STK17B: variants seen among roughly 807,000 people sequenced by gnomAD.
STK17B encodes serine/threonine-protein kinase 17B.
In STK17B, 21 loss-of-function variants were observed where a neutral mutation model predicts 42.0. That is an observed-to-expected ratio of 0.50 (90% CI 0.35 to 0.72). STK17B has a LOEUF of 0.72. Among genes scored for constraint, STK17B ranks in the 30% least tolerant of loss-of-function variants. The pLI, the probability that STK17B is intolerant of heterozygous loss-of-function variation, is 0.00. For missense variants in STK17B, 349 were observed against 446.0 expected (o/e 0.78, Z 1.96); for synonymous variants, 143 against 148.4 (o/e 0.96, Z 0.26).
At position 196,137,349 on chromosome 2, in the gene STK17B, A is replaced by T; in HGVS notation, c.*98T>A. 1 of 1,288,570 alleles carries T rather than the reference A, an allele frequency of 7.8e-7. No homozygotes were observed. Among genetic ancestry groups the T allele is most frequent in the Non-Finnish European group, 1.1e-6 (1 of 946,236 alleles). 79.8% of individuals were successfully genotyped at this position (1,288,570 alleles called of 1,614,324 possible). ...AATTATTCCATGGAAAAGTGCATTT[A>T]CAATATAAACATGTCATATATGAAG... On this transcript the variant is annotated 3_prime_UTR_variant, in exon 8 of 8. Transcript: ENST00000263955.
chr2:196,141,415 T>C lies in STK17B; in HGVS notation c.608-118A>G. On this transcript the variant is annotated intron_variant, in intron 5 of 7. Transcript: ENST00000263955. ...TGGCTCATGCCTGTAATCTCAGCAC[T>C]TTGGGAGGCTGAGGCAGGCAGATCA... is the stretch of plus-strand genomic sequence containing the variant. The C allele has an allele frequency of 1.3e-6, 1 of 761,694 alleles. No homozygotes were observed. The highest frequency in any genetic ancestry group is 2.1e-6 in the Non-Finnish European group (1 of 467,006). The allele number at this position is 761,694 out of a possible 1,614,324, so 47.2% of individuals were successfully genotyped here.
At position 196,134,762 on chromosome 2, in the gene STK17B, CAACAT is replaced by C. The variant is rs1699372431; in HGVS notation, c.*2680_*2684del. ...AAGCAAATTTAACTTTAAATTATCACAACATAACACTTATCTTCTCATGTGTTCAA... is the reference window on the plus strand; with the variant it reads ...AAGCAAATTTAACTTTAAATTATCACAACACTTATCTTCTCATGTGTTCAA... On this transcript the variant is annotated 3_prime_UTR_variant, in exon 8 of 8. Coordinates refer to ENST00000263955, the MANE Select transcript of STK17B (RefSeq NM_004226.4). 6.6e-6 allele frequency: 1 copy of C among 152,200 alleles called. No individual in the cohort carries two copies. Among genetic ancestry groups the C allele is most frequent in the African/African-American group, 2.4e-5 (1 of 41,452 alleles). The allele number at this position is 152,200 out of a possible 1,614,324, so 9.4% of individuals were successfully genotyped here. A position where few individuals can be genotyped will look rare whatever the true frequency, so the allele number is the denominator to read the frequency against.
At chr2:196,148,267 C>T (rs191451712) in intron 3 of STK17B, among the ~76,000 whole-genome samples, 2 of 152,298 alleles carry the variant, frequency 1.3e-5, no homozygotes, top group African/African-American at 4.8e-5. Context: ...TCTCACACCC[C>T]TTCTCAAGGT....
At position 196,157,539 on chromosome 2, in the gene STK17B, T is replaced by C. The variant is rs576268528; in HGVS notation, c.123-888A>G. ...ACAATTGTCAATTGTTTTAGCAATA[T>C]GTCTCTTAGTAATGCTCAGTAGTCT... On this transcript the variant is annotated intron_variant, in intron 2 of 7. Transcript: ENST00000263955. Among the ~76,000 whole-genome samples, 10 of 152,356 alleles carry C rather than the reference T, an allele frequency of 6.6e-5. No homozygotes were observed. In the South Asian group the frequency reaches 1.4e-3, roughly 22 times the overall value.
intron 1 of STK17B, among the ~76,000 whole-genome samples, chr2:196,170,181 G>A (rs2105718694): frequency 6.7e-6 from 1 of 148,646 alleles, no homozygotes; most frequent in Middle Eastern, 3.4e-3. Context: ...TGAGAAAGTA[G>A]GTTTATTTTC....
chr2:196,159,749 CTAAT>C (rs1373750067), intron 2 of STK17B, among the ~76,000 whole-genome samples: 1 of 152,154 alleles, frequency 6.6e-6, no homozygotes, highest in Non-Finnish European at 1.5e-5. Flanking sequence ...CATATCTGTC[CTAAT>C]TATTATGGTA....
rs1465104768 is a variant in STK17B, at chr2:196,141,195, T to C, written c.656+54A>G. ...CTCTTGGAGTCAAAGAACCCCAGAA[T>C]ATACGTTTCCCAACTTTCCATAAAG... is the stretch of plus-strand genomic sequence containing the variant. On this transcript the variant is annotated intron_variant, in intron 6 of 7. Transcript: ENST00000263955. 2.2e-6 allele frequency: 3 copies of C among 1,390,128 alleles called. No homozygotes were observed. The African/African-American group carries it at 4.3e-5, about 20-fold the overall frequency. The allele number at this position is 1,390,128 out of a possible 1,614,324, so 86.1% of individuals were successfully genotyped here. A position where few individuals can be genotyped will look rare whatever the true frequency, so the allele number is the denominator to read the frequency against.
intron 2 of STK17B, among the ~76,000 whole-genome samples, chr2:196,157,416 T>G (rs1445515715): frequency 6.6e-6 from 1 of 152,224 alleles, no homozygotes; most frequent in Non-Finnish European, 1.5e-5. Context: ...CCTTTAAATA[T>G]AAGAAATTAA....
chr2:196,161,478 T>C (rs1699811205), intron 2 of STK17B, among the ~76,000 whole-genome samples: 1 of 150,380 alleles, frequency 6.6e-6, no homozygotes, highest in Non-Finnish European at 1.5e-5. Flanking sequence ...CTTTTGTATT[T>C]AATTCTTGGT....
chr2:196,145,970 G>C lies in STK17B; in HGVS notation c.421C>G (p.Gln141Glu). ...AGATAATAAACTCCTTCAAGTATTT[G>C]TTTAATGAGTCTGATAACATCATTT... ...SENDVIRLIKQILEGVYYLHQ... is the reference protein window; with the variant it reads ...SENDVIRLIKEILEGVYYLHQ... Residue 141 changes from glutamine (Q) to glutamate (E), a missense_variant, in exon 4 of 8, where the codon CAA (glutamine) becomes GAA (glutamate). By Grantham distance (29) the Gln-to-Glu change is conservative. Around this residue, in one of 3 missense-constraint regions of STK17B, gnomAD observed 256 missense variants for 347.7 expected, o/e 0.74. Transcript: ENST00000263955. 1.2e-6 allele frequency: 2 copies of C among 1,606,444 alleles called. No individual in the cohort carries two copies. Among genetic ancestry groups the C allele is most frequent in the South Asian group, 2.2e-5 (2 of 89,168 alleles).
chr2:196,152,161 T>C (rs1699673936), intron 3 of STK17B, among the ~76,000 whole-genome samples: 1 of 150,398 alleles, frequency 6.6e-6, no homozygotes, highest in African/African-American at 2.5e-5. Flanking sequence ...GCCTGGCGCG[T>C]AGTGGTGCGA....
At position 196,148,560 on chromosome 2, in the gene STK17B, A is replaced by T. The variant is rs537721185; in HGVS notation, c.336-2505T>A. On this transcript the variant is annotated intron_variant, in intron 3 of 7. Transcript: ENST00000263955. ...TACTTTACAAGATATAAATACTGAT[A>T]ATCTAGTCCTATCTTATAAAAATCA... is the stretch of plus-strand genomic sequence containing the variant. Among the ~76,000 whole-genome samples the T allele has an allele frequency of 4.5e-4, 69 of 152,342 alleles. No homozygotes were observed. The South Asian group carries it at 0.014, about 32-fold the overall frequency.
intron 2 of STK17B, among the ~76,000 whole-genome samples, chr2:196,161,027 T>G (rs1307956349): frequency 1.3e-5 from 2 of 152,182 alleles, no homozygotes; most frequent in Non-Finnish European, 2.9e-5. Context: ...GTAAGTAAAT[T>G]TACTCATCAA....
chr2:196,166,609 C>A (rs990905560), intron 1 of STK17B, among the ~76,000 whole-genome samples: 1 of 152,130 alleles, frequency 6.6e-6, no homozygotes, highest in Admixed American at 6.5e-5. Flanking sequence ...AGTACTACTA[C>A]AAATAATGGT....
Position 196,156,532 on chromosome 2 carries a change from A to C in STK17B, c.242T>G (p.Ile81Ser). 1 of 1,614,110 alleles carries C rather than the reference A, an allele frequency of 6.2e-7. No individual in the cohort carries two copies. Among genetic ancestry groups the C allele is most frequent in the East Asian group, 2.2e-5 (1 of 44,856 alleles). The change falls in exon 3 of 8, where the codon ATT (isoleucine) becomes AGT (serine). Residue 81 changes from isoleucine (I) to serine (S), a missense_variant. By Grantham distance (142) the Ile-to-Ser change is moderately radical. This residue lies in a region of STK17B where 256 missense variants were observed against 347.7 expected (regional missense o/e 0.74). Coordinates refer to ENST00000263955, the MANE Select transcript of STK17B (RefSeq NM_004226.4). ...QDCRAEILHE[I>S]AVLELAKSCP... ...AGACTTTGCCAATTCAAGCACAGCA[A>C]TCTCGTGTAAAATTTCTGCTCGACA...
intron 3 of STK17B, chr2:196,153,009 T>C (rs1699687269): frequency 6.6e-6 from 1 of 152,120 alleles, no homozygotes; most frequent in Non-Finnish European, 1.5e-5. Flanking sequence ...GGTCTCGAAC[T>C]CCTGGATTCA....
chr2:196,156,415 A>AGAGTT (rs1699738575), intron 3 of STK17B, 24 bp downstream of exon 3: 11 of 1,525,122 alleles, frequency 7.2e-6, no homozygotes, highest in Non-Finnish European at 9.8e-6. Context: ...CAACTAAAAT[A>AGAGTT]GGTACTATTT....
At chr2:196,153,528 A>C (rs1436949868) in intron 3 of STK17B, 1 of 152,174 alleles carries the variant, frequency 6.6e-6, no homozygotes, top group East Asian at 1.9e-4. Flanking sequence ...AAAAGTCCTA[A>C]AAATAACGAT....
At chr2:196,155,791 G>A (rs4850670) in intron 3 of STK17B, among the ~76,000 whole-genome samples, 152,295 of 152,320 alleles carry the variant, frequency 1, 76,135 homozygotes, top group Non-Finnish European at 1. Context: ...GTAACAAACC[G>A]GTTACCTTAA....
Sources: gnomAD v4.1 joint callset for allele counts (sites outside exome capture counted in the v4.1 genomes callset) on GRCh38, gnomAD v4.1.1 for gene constraint, gnomAD v4.1.1 regional missense constraint, MANE v1.5 for transcripts, NCBI Gene and HGNC (gene_info 2026-07-23, HGNC 2026-07-21) for gene names.